Variants in TFEC observed in about 807,000 individuals in gnomAD.
The protein encoded by TFEC is transcription factor EC.
In TFEC, 31 loss-of-function variants were observed where a neutral mutation model predicts 41.6. The observed-to-expected ratio is 0.74, with a 90% CI of 0.56 to 1.01. The LOEUF is 1.01. Among genes scored for constraint, TFEC ranks in the 50% least tolerant of loss-of-function variants. TFEC has a pLI of 0.00. For missense variants in TFEC, 402 were observed against 404.1 expected (o/e 0.99, Z 0.04); for synonymous variants, 143 against 140.6 (o/e 1.02, Z -0.12).
intron 3 of TFEC, among the ~76,000 whole-genome samples, chr7:116,073,420 C>A (rs1340093637): frequency 6.6e-6 from 1 of 151,168 alleles, no homozygotes; most frequent in African/African-American, 2.4e-5. Flanking sequence ...TAATGATAAG[C>A]AAATGGCTCT....
At position 115,937,440 on chromosome 7, in the gene TFEC, T is replaced by C. The variant is rs1793285577; in HGVS notation, c.*3111A>G. On this transcript the variant is annotated 3_prime_UTR_variant, in exon 8 of 8. Coordinates refer to ENST00000265440, the MANE Select transcript of TFEC (RefSeq NM_012252.4). ...CTAGAAGTCTATCTTGTTTCTTAGA[T>C]ACTCAAATAATTTGCTTTTAAATTC... The C allele has an allele frequency of 6.6e-6, 1 of 151,766 alleles. No homozygotes were observed. The highest frequency in any genetic ancestry group is 2.4e-5 in the African/African-American group (1 of 41,418). 9.4% of individuals were successfully genotyped at this position (151,766 alleles called of 1,614,324 possible). A position where few individuals can be genotyped will look rare whatever the true frequency, so the allele number is the denominator to read the frequency against.
At chr7:116,052,586 G>A (rs564585987) in intron 3 of TFEC, among the ~76,000 whole-genome samples, 2 of 151,874 alleles carry the variant, frequency 1.3e-5, no homozygotes, top group South Asian at 2.1e-4. Flanking sequence ...ATGCCACCAC[G>A]CCCTTCTAAT....
chr7:116,154,139 T>C (rs1318337298), intron 1 of TFEC, among the ~76,000 whole-genome samples: 1 of 152,204 alleles, frequency 6.6e-6, no homozygotes, highest in Non-Finnish European at 1.5e-5. Context: ...TCAATGGCCA[T>C]TCTTCAAATG....
chr7:115,990,573 T>C (rs1266759508), intron 1 of TFEC, among the ~76,000 whole-genome samples: 1 of 151,676 alleles, frequency 6.6e-6, no homozygotes, highest in African/African-American at 2.4e-5. Flanking sequence ...GGCACGAGAA[T>C]TACGTGATGA....
rs763195384 is a variant in TFEC at position 116,068,416 on chromosome 7, T to C, written c.198+42292A>G. On this transcript the variant is annotated intron_variant, in intron 3 of 8. Coordinates refer to the TFEC transcript ENST00000484212. ...AGGGTAGGAAAGTAAATTGTAAATG[T>C]ATAGTGTGGGTACATAGGTAATGAT... Among the ~76,000 whole-genome samples the C allele has an allele frequency of 2.9e-4, 44 of 151,864 alleles. 1 individual carries two copies. In the Middle Eastern group the frequency reaches 0.01, roughly 35 times the overall value.
chr7:115,981,256 A>G (rs1349599543), intron 2 of TFEC, among the ~76,000 whole-genome samples: 1 of 152,118 alleles, frequency 6.6e-6, no homozygotes, highest in African/African-American at 2.4e-5. Flanking sequence ...ATCTTCCGTC[A>G]TCTTTGCTGT....
intron 2 of TFEC, among the ~76,000 whole-genome samples, chr7:115,975,621 C>G (rs1385403941): frequency 6.6e-6 from 1 of 152,104 alleles, no homozygotes; most frequent in East Asian, 1.9e-4. Flanking sequence ...TCCTCTTATG[C>G]AGCTCAAAGT....
At chr7:116,134,837 A>C (rs1798404319) in intron 1 of TFEC, among the ~76,000 whole-genome samples, 1 of 152,164 alleles carries the variant, frequency 6.6e-6, no homozygotes, top group African/African-American at 2.4e-5. Context: ...AAATAATGTT[A>C]TAATACTGGC....
At chr7:116,013,880 T>C (rs1317131858) in intron 1 of TFEC, among the ~76,000 whole-genome samples, 1 of 152,170 alleles carries the variant, frequency 6.6e-6, no homozygotes, top group African/African-American at 2.4e-5. Context: ...GTGTTTCACT[T>C]TGTTTTGTAA....
At chr7:115,956,427 A>G (rs1792231991) in intron 4 of TFEC, among the ~76,000 whole-genome samples, 1 of 150,094 alleles carries the variant, frequency 6.7e-6, no homozygotes, top group Admixed American at 6.6e-5. Flanking sequence ...GTGTATATAC[A>G]TGTATATATG....
intron 3 of TFEC, among the ~76,000 whole-genome samples, chr7:116,051,110 ATG>A: frequency 6.6e-6 from 1 of 152,100 alleles, no homozygotes; most frequent in Admixed American, 6.5e-5. Context: ...GAACACTTGG[ATG>A]CAGGGTGGGG....
chr7:115,949,560 T>A (rs1269471369), intron 6 of TFEC, among the ~76,000 whole-genome samples: 1 of 152,094 alleles, frequency 6.6e-6, no homozygotes, highest in Non-Finnish European at 1.5e-5. Context: ...TATAAAACTA[T>A]CTGATCTTTG....
rs377746624 is a variant in TFEC at position 115,959,168 on chromosome 7, A to G, written c.268-2375T>C. Among the ~76,000 whole-genome samples the G allele has an allele frequency of 2.9e-3, 448 of 151,958 alleles. 5 individuals carry two copies. The highest frequency in any genetic ancestry group is 0.011 in the African/African-American group (437 of 41,536). ...GTAAAGCAAAATCTTTGATGTGACAATAGGCAAACATTATTATTAACAAAA... is the reference window on the plus strand; with the variant it reads ...GTAAAGCAAAATCTTTGATGTGACAGTAGGCAAACATTATTATTAACAAAA... On this transcript the variant is annotated intron_variant, in intron 3 of 7. Coordinates refer to ENST00000265440, the MANE Select transcript of TFEC (RefSeq NM_012252.4).
intron 1 of TFEC, among the ~76,000 whole-genome samples, chr7:116,147,792 A>C (rs1798674270): frequency 6.6e-6 from 1 of 152,198 alleles, no homozygotes; most frequent in South Asian, 2.1e-4. Flanking sequence ...CTATGAAATT[A>C]TCTCTCATTC....
At chr7:116,054,223 G>A (rs1388413154) in intron 3 of TFEC, among the ~76,000 whole-genome samples, 2 of 152,190 alleles carry the variant, frequency 1.3e-5, no homozygotes, top group Non-Finnish European at 2.9e-5. Flanking sequence ...GAATCGATGA[G>A]TTGTAGAGCA....
At chr7:116,037,003 T>C (rs1001157421) in intron 3 of TFEC, among the ~76,000 whole-genome samples, 2 of 152,084 alleles carry the variant, frequency 1.3e-5, no homozygotes, top group Non-Finnish European at 2.9e-5. Context: ...CAAATGTTAT[T>C]TGCCAAATGG....
chr7:116,035,418 C>T (rs1795886996), upstream of TFEC, among the ~76,000 whole-genome samples: 1 of 152,002 alleles, frequency 6.6e-6, no homozygotes, highest in South Asian at 2.1e-4. Flanking sequence ...TGTGTATGAA[C>T]TGAGGACACT....
rs992722240 is a variant in TFEC at position 116,154,957 on chromosome 7, C to T, written c.-69+4833G>A. ...CCCTGGTTTTTCCTCTTCTGCCATA[C>T]TATCCCTTGCCAAATTTTCCTCTTT... is the stretch of plus-strand genomic sequence containing the variant. On this transcript the variant is annotated intron_variant, in intron 1 of 8. Coordinates refer to the TFEC transcript ENST00000484212. 1.4e-3 allele frequency among the ~76,000 whole-genome samples: 207 copies of T among 152,330 alleles called. 1 individual carries two copies. The highest frequency in any genetic ancestry group is 4.8e-3 in the African/African-American group (201 of 41,578).
intron 1 of TFEC, among the ~76,000 whole-genome samples, chr7:116,159,371 C>T (rs967016065): frequency 1.3e-5 from 2 of 151,856 alleles, no homozygotes; most frequent in Non-Finnish European, 2.9e-5. Context: ...ATAAATTCTA[C>T]ATTATATATA....
Sources: allele counts gnomAD v4.1 joint callset (sites outside exome capture counted in the v4.1 genomes callset), GRCh38; gene constraint gnomAD v4.1.1; transcripts MANE v1.5; gene names NCBI Gene and HGNC (gene_info 2026-07-23, HGNC 2026-07-21).